Variants in CHN1 observed in about 807,000 individuals in gnomAD.
CHN1 encodes N-chimaerin.
Under a neutral mutation model 59.5 loss-of-function variants are expected in CHN1, and 37 were observed. The ratio of observed to expected loss-of-function variants is 0.62; its 90% CI spans 0.48 to 0.82. The LOEUF (loss-of-function observed/expected upper bound fraction) is 0.82. Ranked by LOEUF, CHN1 falls within the 40% of genes least tolerant of loss-of-function variation. The pLI, the probability that CHN1 is intolerant of heterozygous loss-of-function variation, is 0.00. For missense variants in CHN1, 469 were observed against 571.0 expected, an observed-to-expected ratio of 0.82 and a Z score of 1.82; for synonymous variants, 206 against 200.4, an observed-to-expected ratio of 1.03 and a Z score of -0.24.
chr2:174,805,694 C>G (rs1684862483), intron 11 of CHN1, among the ~76,000 whole-genome samples: 1 of 152,160 alleles, frequency 6.6e-6, no homozygotes, highest in Admixed American at 6.5e-5. Context: ...AATAAAGACT[C>G]TAAGCCCATA....
intron 10 of CHN1, chr2:174,810,916 T>C (rs1403197105): frequency 1.3e-5 from 2 of 152,268 alleles, no homozygotes; most frequent in African/African-American, 2.4e-5. Context: ...CAAAGACAAA[T>C]TGGAGAGCCA....
intron 6 of CHN1, among the ~76,000 whole-genome samples, chr2:174,851,118 C>T (rs1324154039): frequency 6.6e-6 from 1 of 152,130 alleles, no homozygotes; most frequent in Non-Finnish European, 1.5e-5. Context: ...GCATATAGCA[C>T]CTCTCATATT....
At chr2:174,974,894 TTAATACACACACACACACACAC>T (rs1430242119) in intron 1 of CHN1, among the ~76,000 whole-genome samples, 1 of 77,212 alleles carries the variant, frequency 1.3e-5, no homozygotes, top group Non-Finnish European at 2.7e-5. Flanking sequence ...TAAGAAATAA[TTAATACACACACACACACACAC>T]ACACACACAC....
chr2:174,973,699 C>T (rs1690831918), intron 1 of CHN1, among the ~76,000 whole-genome samples: 1 of 152,180 alleles, frequency 6.6e-6, no homozygotes, highest in African/African-American at 2.4e-5. Context: ...TTTGGCAGTG[C>T]AGGACAGCGG....
intron 9 of CHN1, 63 bp downstream of exon 9, chr2:174,812,246 G>A: frequency 1.4e-6 from 2 of 1,400,200 alleles, no homozygotes; most frequent in Non-Finnish European, 1.9e-6. Context: ...GTACCCAAAA[G>A]GCATCAGGAT....
chr2:174,841,786 G>A (rs965516284), intron 7 of CHN1, among the ~76,000 whole-genome samples: 3 of 152,114 alleles, frequency 2.0e-5, no homozygotes, highest in Non-Finnish European at 4.4e-5. Context: ...CATATCCACA[G>A]AAGAGGCAAT....
At chr2:174,859,089 T>C (rs1686993798) in intron 6 of CHN1, among the ~76,000 whole-genome samples, 1 of 151,918 alleles carries the variant, frequency 6.6e-6, no homozygotes, top group African/African-American at 2.4e-5. Context: ...TCAAATGTTA[T>C]TTGAGGCTAT....
chr2:174,880,105 G>A (rs1055779378), intron 5 of CHN1, among the ~76,000 whole-genome samples: 3 of 152,080 alleles, frequency 2.0e-5, no homozygotes, highest in African/African-American at 7.2e-5. Context: ...GTGATTTCAG[G>A]AGACCCTGCC....
chr2:174,882,043 A>T (rs1217289479), intron 5 of CHN1, among the ~76,000 whole-genome samples: 1 of 152,218 alleles, frequency 6.6e-6, no homozygotes, highest in African/African-American at 2.4e-5. Flanking sequence ...GACTTTTATA[A>T]GATAATTTTC....
chr2:174,907,651 T>C (rs1688580058), intron 5 of CHN1, among the ~76,000 whole-genome samples: 1 of 149,742 alleles, frequency 6.7e-6, no homozygotes, highest in Non-Finnish European at 1.5e-5. Context: ...ATGATACATG[T>C]GCACTGTAAA....
At chr2:174,848,315 T>C (rs1005826523) in intron 6 of CHN1, among the ~76,000 whole-genome samples, 7 of 152,164 alleles carry the variant, frequency 4.6e-5, no homozygotes, top group African/African-American at 4.8e-5. Context: ...TAACTACTTA[T>C]AGGACCCATA....
intron 5 of CHN1, among the ~76,000 whole-genome samples, chr2:174,905,682 A>G (rs937193500): frequency 6.6e-6 from 1 of 151,892 alleles, no homozygotes; most frequent in African/African-American, 2.4e-5. Flanking sequence ...CTCCTGCCTC[A>G]GCCTCCTGAG....
chr2:174,841,573 CA>C (rs1168995992), intron 7 of CHN1, among the ~76,000 whole-genome samples: 23 of 152,130 alleles, frequency 1.5e-4, no homozygotes, highest in African/African-American at 5.3e-4. Flanking sequence ...TCTTCTCTTG[CA>C]AGTGGCCCAC....
chr2:174,800,358 A>C, intron 12 of CHN1, 71 bp from the exon 13 acceptor site: 1 of 1,154,986 alleles, frequency 8.7e-7, no homozygotes, highest in Non-Finnish European at 1.1e-6. Context: ...TTGAACACTA[A>C]AACAACAAGA....
chr2:174,799,720 T>C lies in CHN1; in HGVS notation c.*396A>G. 1.9e-6 allele frequency: 1 copy of C among 535,472 alleles called. No individual in the cohort carries two copies. Among genetic ancestry groups the C allele is most frequent in the Non-Finnish European group, 3.6e-6 (1 of 277,258 alleles). The allele number at this position is 535,472 out of a possible 1,614,324, so 33.2% of individuals were successfully genotyped here. A position where few individuals can be genotyped will look rare whatever the true frequency, so the allele number is the denominator to read the frequency against. ...TGTTTGTACAAGCATCAGAAACCAA[T>C]GACATAGACCCCAAAAGCAAAGTCA... On this transcript the variant is annotated 3_prime_UTR_variant, in exon 13 of 13. Transcript: ENST00000409900.
intron 1 of CHN1, among the ~76,000 whole-genome samples, chr2:174,955,986 A>C (rs1690191496): frequency 6.6e-6 from 1 of 152,218 alleles, no homozygotes; most frequent in Non-Finnish European, 1.5e-5. Context: ...AGCATCATGC[A>C]ATATTCTCAT....
At chr2:174,995,430 T>C (rs1246202692) in intron 1 of CHN1, among the ~76,000 whole-genome samples, 1 of 152,220 alleles carries the variant, frequency 6.6e-6, no homozygotes, top group African/African-American at 2.4e-5. Context: ...TGACCGGTTC[T>C]GGTTTCATGG....
chr2:174,806,744 A>G (rs1052318456), intron 11 of CHN1, among the ~76,000 whole-genome samples: 4 of 152,200 alleles, frequency 2.6e-5, no homozygotes, highest in Admixed American at 6.5e-5. Context: ...TCTATGCTCT[A>G]TAAATGTTAA....
intron 8 of CHN1, among the ~76,000 whole-genome samples, chr2:174,815,439 A>G (rs1235111015): frequency 6.6e-6 from 1 of 152,164 alleles, no homozygotes. Context: ...GATAATTTCT[A>G]CTTATCTTCA....
Sources: gnomAD v4.1 joint callset for allele counts (sites outside exome capture counted in the v4.1 genomes callset) on GRCh38, gnomAD v4.1.1 for gene constraint, MANE v1.5 for transcripts, NCBI Gene and HGNC (gene_info 2026-07-23, HGNC 2026-07-21) for gene names.